The following CNTNAP3B variants were observed in gnomAD, a reference collection of about 807,000 sequenced individuals.
The protein encoded by CNTNAP3B is contactin-associated protein-like 3B.
In CNTNAP3B, 25 loss-of-function variants were observed where a neutral mutation model predicts 108.9. The ratio of observed to expected loss-of-function variants is 0.23; its 90% CI spans 0.17 to 0.32. The LOEUF (loss-of-function observed/expected upper bound fraction) is 0.32. CNTNAP3B is among the 10% of genes least tolerant of loss of function. CNTNAP3B has a pLI of 1.00. For synonymous variants in CNTNAP3B, 103 were observed against 473.4 expected, an observed-to-expected ratio of 0.22 and a Z score of 10.16; for missense variants, 252 against 1,210.4, an observed-to-expected ratio of 0.21 and a Z score of 11.75.
At chr9:41,962,770 A>G (rs1441699589) in intron 11 of CNTNAP3B, among the ~76,000 whole-genome samples, 1 of 152,138 alleles carries the variant, frequency 6.6e-6, no homozygotes, top group East Asian at 1.9e-4. Context: ...CCCGGCTAAC[A>G]TGGCAAAACC....
rs2118003458 is a variant in CNTNAP3B, at chr9:41,930,013, T to A, written c.2238-569A>T. On this transcript the variant is annotated intron_variant, in intron 14 of 23. Coordinates refer to ENST00000377561, the MANE Select transcript of CNTNAP3B (RefSeq NM_001201380.3). ...TCTTAGAATAATATCTAAGTGATTA[T>A]TCTTTACAAATAAAAATAGTAACAC... Among the ~76,000 whole-genome samples, 3 of 152,380 alleles carry A rather than the reference T, an allele frequency of 2.0e-5. No individual in the cohort carries two copies. In the South Asian group the frequency reaches 6.2e-4, roughly 32 times the overall value.
chr9:41,934,170 T>TGTATATACACACACACAC (rs1824078406), intron 14 of CNTNAP3B, among the ~76,000 whole-genome samples: 4 of 128,026 alleles, frequency 3.1e-5, no homozygotes, highest in Non-Finnish European at 6.6e-5. Context: ...CACACACACA[T>TGTATATACACACACACAC]ATATATACAC....
Position 42,117,075 on chromosome 9 carries a change from G to A in CNTNAP3B, c.85+11935C>T, listed in dbSNP as rs1016650674. On this transcript the variant is annotated intron_variant, in intron 1 of 23. Transcript: ENST00000377561. ...ACTTAGACTTCCACACAATAATAATGGGAGATTTTAACACACCACTGTCAA... is the reference window on the plus strand; with the variant it reads ...ACTTAGACTTCCACACAATAATAATAGGAGATTTTAACACACCACTGTCAA... Among the ~76,000 whole-genome samples the A allele has an allele frequency of 1.2e-4, 16 of 138,416 alleles. 4 individuals are homozygous for A. Among genetic ancestry groups the A allele is most frequent in the Admixed American group, 1.4e-4 (2 of 13,880 alleles). 90.8% of individuals were successfully genotyped at this position (138,416 alleles called of 152,430 possible).
intron 17 of CNTNAP3B, 140 bp downstream of exon 17, chr9:41,922,537 A>G (rs1415189971): frequency 1.0e-6 from 1 of 993,050 alleles, no homozygotes; most frequent in Non-Finnish European, 1.5e-6. Context: ...AAGCTCCTGG[A>G]ACCTACCAGG....
At chr9:42,115,343 G>A (rs1259632200) in intron 1 of CNTNAP3B, among the ~76,000 whole-genome samples, 1 of 132,372 alleles carries the variant, frequency 7.6e-6, no homozygotes, top group Non-Finnish European at 1.6e-5. Context: ...CTGAATTTCC[G>A]ACTGAGCTTT....
At chr9:41,947,554 A>G (rs1189055113) in intron 13 of CNTNAP3B, among the ~76,000 whole-genome samples, 1 of 152,224 alleles carries the variant, frequency 6.6e-6, no homozygotes, top group Non-Finnish European at 1.5e-5. Flanking sequence ...GTTGATAGGG[A>G]AAACGTAGCA....
At chr9:42,125,622 G>A (rs1828550818) in intron 1 of CNTNAP3B, among the ~76,000 whole-genome samples, 1 of 137,516 alleles carries the variant, frequency 7.3e-6, no homozygotes. Flanking sequence ...TGTTTGTATA[G>A]AGTTTGGTGA....
intron 13 of CNTNAP3B, among the ~76,000 whole-genome samples, chr9:41,950,576 C>A (rs1824644527): frequency 7.2e-6 from 1 of 139,340 alleles, no homozygotes; most frequent in African/African-American, 2.7e-5. Flanking sequence ...CTGATATACA[C>A]AATTATGCAA....
rs1281152785 is a variant in CNTNAP3B, at chr9:41,999,498, G to A, written c.539-894C>T. ...AGGACTTGCCAGTCCTTACAATCAGGTAAGCCAATTCCTTAAAACTCTCTC... is the reference window on the plus strand; with the variant it reads ...AGGACTTGCCAGTCCTTACAATCAGATAAGCCAATTCCTTAAAACTCTCTC... On this transcript the variant is annotated intron_variant, in intron 4 of 23. Transcript: ENST00000377561. Among the ~76,000 whole-genome samples, 2 of 96,944 alleles carry A rather than the reference G, an allele frequency of 2.1e-5. 1 individual carries two copies. Among genetic ancestry groups the A allele is most frequent in the Non-Finnish European group, 4.0e-5 (2 of 49,410 alleles). 63.6% of individuals were successfully genotyped at this position (96,944 alleles called of 152,430 possible). A position where few individuals can be genotyped will look rare whatever the true frequency, so the allele number is the denominator to read the frequency against.
rs1238628200 is a variant in CNTNAP3B, at chr9:42,119,597, A to C, written c.85+9413T>G. On this transcript the variant is annotated intron_variant, in intron 1 of 23. Coordinates refer to ENST00000377561, the MANE Select transcript of CNTNAP3B (RefSeq NM_001201380.3). ...TCAAACTATACTACAAGGCTACAGT[A>C]ACCAAAACAGCATGGCACTGGTACC... Among the ~76,000 whole-genome samples the C allele has an allele frequency of 3.0e-5, 4 of 131,764 alleles. 1 individual carries two copies. The highest frequency in any genetic ancestry group is 6.4e-5 in the Non-Finnish European group (4 of 62,580). 86.4% of individuals were successfully genotyped at this position (131,764 alleles called of 152,430 possible).
chr9:41,921,370 C>G (rs879524375), intron 17 of CNTNAP3B, among the ~76,000 whole-genome samples: 1 of 151,598 alleles, frequency 6.6e-6, no homozygotes, highest in Admixed American at 6.6e-5. Flanking sequence ...GAGCTAACCA[C>G]GCCTGAAGCT....
At position 42,126,673 on chromosome 9, in the gene CNTNAP3B, G is replaced by A. The variant is rs1425854330; in HGVS notation, c.85+2337C>T. On this transcript the variant is annotated intron_variant, in intron 1 of 23. Coordinates refer to ENST00000377561, the MANE Select transcript of CNTNAP3B (RefSeq NM_001201380.3). ...CAACCTCCACCTCCCAGGTTCAAGC[G>A]ATTCTCCTGCCTCAGCCTCCCGAGT... Among the ~76,000 whole-genome samples the A allele has an allele frequency of 8.1e-5, 11 of 135,718 alleles. 1 individual carries two copies. Among genetic ancestry groups the A allele is most frequent in the East Asian group, 4.5e-4 (2 of 4,448 alleles). 89.0% of individuals were successfully genotyped at this position (135,718 alleles called of 152,430 possible).
chr9:41,923,626 G>T (rs1018992972), intron 16 of CNTNAP3B, among the ~76,000 whole-genome samples: 8 of 152,408 alleles, frequency 5.2e-5, no homozygotes, highest in African/African-American at 1.9e-4. Context: ...GCTGGGCATG[G>T]TGGTGCGTGC....
rs1388020797 is a variant in CNTNAP3B at position 42,089,092 on chromosome 9, C to G, written c.197-12030G>C. Among the ~76,000 whole-genome samples the G allele has an allele frequency of 6.8e-4, 61 of 89,168 alleles. 11 individuals are homozygous for G. Among genetic ancestry groups the G allele is most frequent in the African/African-American group, 2.8e-3 (61 of 21,852 alleles). 58.5% of individuals were successfully genotyped at this position (89,168 alleles called of 152,430 possible). ...AATCAGCCGGGCCTGGTGGTGGGTGCTTGTAATCTCAGTTACTTGGGACAA... is the reference window on the plus strand; with the variant it reads ...AATCAGCCGGGCCTGGTGGTGGGTGGTTGTAATCTCAGTTACTTGGGACAA... On this transcript the variant is annotated intron_variant, in intron 2 of 23. Transcript: ENST00000377561.
At chr9:41,944,727 C>T (rs1238597170) in intron 13 of CNTNAP3B, among the ~76,000 whole-genome samples, 1 of 152,102 alleles carries the variant, frequency 6.6e-6, no homozygotes, top group African/African-American at 2.4e-5. Flanking sequence ...CTAAATATAC[C>T]AATTAAGAAA....
intron 2 of CNTNAP3B, among the ~76,000 whole-genome samples, chr9:42,089,485 C>T (rs1277466665): frequency 2.1e-5 from 3 of 141,686 alleles, no homozygotes; most frequent in Admixed American, 7.0e-5. Flanking sequence ...TGGGTCATTT[C>T]CCCAATGTAA....
intron 15 of CNTNAP3B, among the ~76,000 whole-genome samples, chr9:41,924,409 C>T (rs1432501602): frequency 2.6e-5 from 4 of 152,306 alleles, no homozygotes; most frequent in African/African-American, 9.6e-5. Flanking sequence ...GTACGACCAA[C>T]AGAACTTACT....
chr9:42,029,647 C>T (rs1485083803), intron 3 of CNTNAP3B, among the ~76,000 whole-genome samples: 3 of 124,030 alleles, frequency 2.4e-5, no homozygotes, highest in Admixed American at 2.4e-4. Context: ...TCTCCTGCCT[C>T]AGCCTCCTGA....
chr9:41,962,708 C>A (rs866952437), intron 11 of CNTNAP3B, among the ~76,000 whole-genome samples: 1 of 146,398 alleles, frequency 6.8e-6, no homozygotes, highest in Non-Finnish European at 1.5e-5. Context: ...GTAATCCCAG[C>A]GCTTCGGGAG....
Sources: allele counts gnomAD v4.1 joint callset (sites outside exome capture counted in the v4.1 genomes callset), GRCh38; gene constraint gnomAD v4.1.1; transcripts MANE v1.5; gene names NCBI Gene and HGNC (gene_info 2026-07-23, HGNC 2026-07-21).